The following FLNC variants were observed in gnomAD, a reference collection of about 807,000 sequenced individuals.
The protein encoded by FLNC is filamin-C.
In FLNC, 91 loss-of-function variants were observed where a neutral mutation model predicts 254.3. The ratio of observed to expected loss-of-function variants is 0.36; its 90% confidence interval spans 0.30 to 0.43. The LOEUF (loss-of-function observed/expected upper bound fraction) is 0.43, where lower values mean the gene tolerates loss of function less well. Among genes scored for constraint, FLNC ranks in the 20% least tolerant of loss-of-function variants. FLNC has a pLI of 1.00. For synonymous variants in FLNC, 1,430 were observed against 1,577.2 expected (o/e 0.91, Z 2.21); for missense variants, 2,853 against 3,802.6 (o/e 0.75, Z 6.57).
At chr7:128,846,695 A>T in intron 23 of FLNC, 50 bp from the exon 24 acceptor site, 2 of 1,585,370 alleles carry the variant, frequency 1.3e-6, no homozygotes, top group Non-Finnish European at 1.7e-6. Flanking sequence ...CTACTCCCTC[A>T]TCCTCACTCA....
In FLNC at chr7:128,843,517, C is replaced by T. The variant is rs767291401; in HGVS notation, c.2751C>T (p.Asp917=). The change falls in exon 18 of 48, where the codon GAC becomes GAT. Residue 917 remains aspartate, a synonymous_variant. Coordinates refer to ENST00000325888, the MANE Select transcript of FLNC (RefSeq NM_001458.5). ...CAGCCAAGGGCGAGGTTGTGCGGGACTTTGAGATCATAGACAACCATGACT... is the reference window on the plus strand; with the variant it reads ...CAGCCAAGGGCGAGGTTGTGCGGGATTTTGAGATCATAGACAACCATGACT... ...AGTAKGEVVR[D]FEIIDNHDYS... 5 of 1,613,866 alleles carry T rather than the reference C, an allele frequency of 3.1e-6. No homozygotes were observed. Among genetic ancestry groups the T allele is most frequent in the Non-Finnish European group, 4.2e-6 (5 of 1,180,020 alleles).
intron 1 of FLNC, among the ~76,000 whole-genome samples, chr7:128,831,938 G>A (rs1807909999): frequency 6.7e-6 from 1 of 149,982 alleles, no homozygotes; most frequent in Admixed American, 6.7e-5. Context: ...AGATCCCCCC[G>A]CCCACCCCTG....
chr7:128,838,855 TGCAAGGGG>T (rs1481918482), intron 8 of FLNC, 52 bp downstream of exon 8: 1 of 1,552,982 alleles, frequency 6.4e-7, no homozygotes, highest in Non-Finnish European at 8.9e-7. Flanking sequence ...GCCAGAGGCT[TGCAAGGGG>T]CAGGAGGAAG....
At position 128,849,283 on chromosome 7, in the gene FLNC, G is replaced by A. The variant is rs1808705187; in HGVS notation, c.4952-48G>A. The stretch of plus-strand genomic sequence containing the variant: ...GGGGCGGGCAGCGGGAACAGAGAGG[G>A]CTGGCTCCAGCCCACCAGCTCCCTG... On this transcript the variant is annotated intron_variant, in intron 29 of 47. Coordinates refer to ENST00000325888, the MANE Select transcript of FLNC (RefSeq NM_001458.5). 34 of 1,614,108 alleles carry A rather than the reference G, an allele frequency of 2.1e-5. No individual in the cohort carries two copies. In the East Asian group the frequency reaches 7.6e-4, roughly 36 times the overall value.
At chr7:128,852,562 G>A in intron 35 of FLNC, 29 bp from the exon 36 acceptor site, 1 of 1,612,908 alleles carries the variant, frequency 6.2e-7, no homozygotes, top group South Asian at 1.1e-5. Flanking sequence ...TGGAGTCATA[G>A]CAGCCTGATG....
rs1263303309 is a variant in FLNC, at chr7:128,844,148, C to A, written c.3074C>A (p.Ala1025Asp). 1 of 1,613,824 alleles carries A rather than the reference C, an allele frequency of 6.2e-7. No homozygotes were observed. Residue 1025 changes from alanine to aspartate, a missense_variant, in exon 20 of 48, where the codon GCT becomes GAT. Transcript: ENST00000325888. ...LEPGGGAEAQ[A>D]VRYMPPEEGP... is the part of the protein sequence containing the mutation. ...CCAGGCGGTGGAGCGGAAGCCCAGG[C>A]TGTGCGCTACATGCCCCCGGAGGAG...
At chr7:128,853,409 A>G in intron 37 of FLNC, 60 bp from the exon 38 acceptor site, 8 of 1,603,954 alleles carry the variant, frequency 5.0e-6, no homozygotes, top group Non-Finnish European at 6.8e-6. Context: ...TGGGGAGAGG[A>G]AAGCATTGTG....
At position 128,857,033 on chromosome 7, in the gene FLNC, C is replaced by G; in HGVS notation, c.7562-85C>G. ...CTGCTTCCTAAGCCAGGAGTCCCCA[C>G]AGAGGCTGTCCAGGGAGCTGGGGCC... is the stretch of plus-strand genomic sequence containing the variant. On this transcript the variant is annotated intron_variant, in intron 45 of 47. Transcript: ENST00000325888. This position sits in a 1 kb window ranked among gnomAD's most constrained non-coding sequence, Gnocchi z 4.5. 6.4e-7 allele frequency: 1 copy of G among 1,569,360 alleles called. No homozygotes were observed. Among genetic ancestry groups the G allele is most frequent in the Non-Finnish European group, 8.8e-7 (1 of 1,141,362 alleles).
At position 128,844,975 on chromosome 7, in the gene FLNC, C is replaced by T. The variant is rs745571747; in HGVS notation, c.3510C>T (p.Val1170=). ...GACCGGGCCTGGAGCGCGGCAAGGT[C>T]GGTGAGGCAGCCACCTTCACTGTGG... The part of the protein sequence containing the change: ...ASGPGLERGK[V]GEAATFTVDC... The change falls in exon 21 of 48, where the codon GTC becomes GTT. Residue 1170 remains valine, a synonymous_variant. Transcript: ENST00000325888. The T allele has an allele frequency of 3.4e-5, 55 of 1,613,744 alleles. 1 individual carries two copies. In the African/African-American group the frequency reaches 5.2e-4, roughly 15 times the overall value.
At position 128,854,896 on chromosome 7, in the gene FLNC, T is replaced by C; in HGVS notation, c.7119T>C (p.Tyr2373=). 1 of 1,614,084 alleles carries C rather than the reference T, an allele frequency of 6.2e-7. No homozygotes were observed. Among genetic ancestry groups the C allele is most frequent in the Non-Finnish European group, 8.5e-7 (1 of 1,180,008 alleles). The change falls in exon 42 of 48, where the codon TAT becomes TAC. Residue 2373 remains tyrosine (Y), a synonymous_variant. Coordinates refer to ENST00000325888, the MANE Select transcript of FLNC (RefSeq NM_001458.5). ...AAGATGGCTCCTGCGGCGTCTCCTATGTCGTCCAGGAACCAGGTGGGCGTC... is the reference window on the plus strand; with the variant it reads ...AAGATGGCTCCTGCGGCGTCTCCTACGTCGTCCAGGAACCAGGTGGGCGTC... ...DRKDGSCGVS[Y]VVQEPGDYEV...
In FLNC at chr7:128,830,599, G is replaced by C. The variant is rs1334599842; in HGVS notation, c.-39G>C. The stretch of plus-strand genomic sequence containing the variant: ...CCGACAGCCCCCGATAGCCCAAACC[G>C]CGGCCCTAGCCCCGGCCGCACCCCC... On this transcript the variant is annotated 5_prime_UTR_variant, in exon 1 of 48. Coordinates refer to ENST00000325888, the MANE Select transcript of FLNC (RefSeq NM_001458.5). 1 of 1,592,244 alleles carries C rather than the reference G, an allele frequency of 6.3e-7. No individual in the cohort carries two copies. The highest frequency in any genetic ancestry group is 2.3e-5 in the East Asian group (1 of 44,298).
chr7:128,849,011 G>A, intron 28 of FLNC, 29 bp downstream of exon 28: 1 of 1,606,448 alleles, frequency 6.2e-7, no homozygotes. Context: ...CCCGTGCCCT[G>A]CTCACCACCC....
chr7:128,843,439 G>C lies in FLNC; in HGVS notation c.2673G>C (p.Thr891=). ...AAGTCGGGAAGCCCACCCACTTCAC[G>C]GTGCTGACCAAGGGAGCCGGCAAGG... The part of the protein sequence containing the change: ...GVEVGKPTHF[T]VLTKGAGKAK... The change falls in exon 18 of 48, where the codon ACG becomes ACC. Residue 891 remains threonine, a synonymous_variant. Coordinates refer to ENST00000325888, the MANE Select transcript of FLNC (RefSeq NM_001458.5). 6.2e-7 allele frequency: 1 copy of C among 1,614,096 alleles called. No homozygotes were observed. The highest frequency in any genetic ancestry group is 8.5e-7 in the Non-Finnish European group (1 of 1,180,020).
At position 128,841,393 on chromosome 7, in the gene FLNC, CG is replaced by C; in HGVS notation, c.2007+35del. The C allele has an allele frequency of 6.2e-7, 1 of 1,613,644 alleles. No homozygotes were observed. The highest frequency in any genetic ancestry group is 8.5e-7 in the Non-Finnish European group (1 of 1,179,638). ...GGTCCCAGCTCACACACACCTGCCC[CG>C]GGGGTGGGGCAAGCTGGTTCTCCTC... is the stretch of plus-strand genomic sequence containing the variant. On this transcript the variant is annotated intron_variant, in intron 12 of 47. Transcript: ENST00000325888. The surrounding 1 kb of genome is among the most constrained non-coding windows in gnomAD (Gnocchi z 4.3).
Position 128,848,057 on chromosome 7 carries a change from G to T in FLNC, c.4569G>T (p.Glu1523Asp), listed in dbSNP as rs1292246444. 6.2e-7 allele frequency: 1 copy of T among 1,604,928 alleles called. No individual in the cohort carries two copies. Among genetic ancestry groups the T allele is most frequent in the Non-Finnish European group, 8.5e-7 (1 of 1,175,504 alleles). Residue 1523 changes from glutamate to aspartate, a missense_variant, in exon 26 of 48, where the codon GAG (glutamate) becomes GAT (aspartate). Around this residue, in one of 10 missense-constraint regions of FLNC, gnomAD observed 1,573 missense variants for 1,883.5 expected, o/e 0.84. Coordinates refer to ENST00000325888, the MANE Select transcript of FLNC (RefSeq NM_001458.5). The stretch of plus-strand genomic sequence containing the variant: ...TAGCCGTCAAGTATGCTGACCAGGA[G>T]GTGCCACGCAGGTGAGGACCAGCCC... Reference protein sequence around the residue: ...YTVAVKYADQEVPRSPFKIKV... With the variant: ...YTVAVKYADQDVPRSPFKIKV...
intron 8 of FLNC, among the ~76,000 whole-genome samples, chr7:128,839,176 A>G (rs1808227020): frequency 6.6e-6 from 1 of 152,224 alleles, no homozygotes; most frequent in Admixed American, 6.5e-5. Context: ...AGGCGGGGCC[A>G]GGCATGGCCG....
chr7:128,837,547 T>C lies in FLNC; in HGVS notation c.849T>C (p.Pro283=). Reference sequence around the variant, plus strand: ...CCAAGAAAGCCATCGCCTATGGGCCTGGTATGTGTGAGCCCCTGGCGGCCC... The same window carrying C: ...CCAAGAAAGCCATCGCCTATGGGCCCGGTATGTGTGAGCCCCTGGCGGCCC... ...LNPKKAIAYG[P]GIEPQGNTVL... Residue 283 remains proline (P), a splice_region_variant and synonymous_variant, in exon 4 of 48, where the codon CCT becomes CCC. Transcript: ENST00000325888. 1 of 1,614,082 alleles carries C rather than the reference T, an allele frequency of 6.2e-7. No homozygotes were observed. Among genetic ancestry groups the C allele is most frequent in the South Asian group, 1.1e-5 (1 of 91,088 alleles).
chr7:128,858,021 C>T lies in FLNC; in HGVS notation c.7794C>T (p.Ser2598=), dbSNP rs1013763254. ...FKAKVTGPRL[S]GGHSLHETST... Reference sequence around the variant, plus strand: ...CCCACCCCTCAGGTCCGAGGCTGTCCGGAGGCCACAGCCTTCACGAAACAT... The same window carrying T: ...CCCACCCCTCAGGTCCGAGGCTGTCTGGAGGCCACAGCCTTCACGAAACAT... Residue 2598 remains serine (S), a synonymous_variant, in exon 47 of 48, where the codon TCC becomes TCT. Coordinates refer to ENST00000325888, the MANE Select transcript of FLNC (RefSeq NM_001458.5). This position sits in a 1 kb window ranked among gnomAD's most constrained non-coding sequence, Gnocchi z 6.7. 9 of 1,535,700 alleles carry T rather than the reference C, an allele frequency of 5.9e-6. No homozygotes were observed. In the East Asian group the frequency reaches 6.9e-5, roughly 12 times the overall value.
chr7:128,851,782 C>A (rs181853482), intron 35 of FLNC, among the ~76,000 whole-genome samples, 154 bp downstream of exon 35: 2 of 152,386 alleles, frequency 1.3e-5, no homozygotes, highest in East Asian at 1.9e-4. Context: ...TGTAAAAACA[C>A]TCTGTTCTCC....
Sources: gnomAD v4.1 joint callset for allele counts (sites outside exome capture counted in the v4.1 genomes callset) on GRCh38, gnomAD v4.1.1 for gene constraint, gnomAD v4.1.1 regional missense constraint, Gnocchi (gnomAD v3.1) non-coding constraint, MANE v1.5 for transcripts, NCBI Gene and HGNC (gene_info 2026-07-23, HGNC 2026-07-21) for gene names.